The following PDE4D variants were observed in gnomAD, a reference collection of about 807,000 sequenced individuals.
The protein encoded by PDE4D is 3',5'-cyclic-AMP phosphodiesterase 4D.
Under a neutral mutation model 87.4 loss-of-function variants are expected in PDE4D, and 24 were observed. The observed-to-expected ratio is 0.27, with a 90% confidence interval of 0.20 to 0.39. The LOEUF (loss-of-function observed/expected upper bound fraction) is 0.39, where lower values mean the gene tolerates loss of function less well. PDE4D is among the 10% of genes least tolerant of loss of function. The pLI, the probability that PDE4D is intolerant of heterozygous loss-of-function variation, is 1.00. For missense variants in PDE4D, 714 were observed against 1,041.0 expected (o/e 0.69, Z 4.32); for synonymous variants, 384 against 383.2 (o/e 1.00, Z -0.02).
intron 1 of PDE4D, chr5:59,561,054 T>C (rs1172108600): frequency 6.6e-6 from 1 of 152,204 alleles, no homozygotes; most frequent in African/African-American, 2.4e-5. Flanking sequence ...CACAGGAAAA[T>C]TGTACTTCCC....
intron 5 of PDE4D, among the ~76,000 whole-genome samples, chr5:59,046,473 G>A (rs1760721722): frequency 6.6e-6 from 1 of 150,480 alleles, no homozygotes; most frequent in Admixed American, 6.6e-5. Context: ...GAGTCAGCTT[G>A]GTCTAAAGGG....
At chr5:60,188,388 G>C (rs753476086) in intron 1 of PDE4D, 2 of 152,138 alleles carry the variant, frequency 1.3e-5, no homozygotes, top group Non-Finnish European at 2.9e-5. Flanking sequence ...GCCTTGAAAA[G>C]GGAAGTTGCT....
At chr5:60,099,933 T>C (rs1052661634) in intron 2 of PDE4D, among the ~76,000 whole-genome samples, 7 of 151,958 alleles carry the variant, frequency 4.6e-5, no homozygotes, top group Non-Finnish European at 1.0e-4. Context: ...ATGTTAGTTA[T>C]TCACTGTAAC....
intron 1 of PDE4D, among the ~76,000 whole-genome samples, chr5:60,370,178 C>G (rs949225779): frequency 1.3e-5 from 2 of 152,138 alleles, no homozygotes; most frequent in African/African-American, 4.8e-5. Context: ...AAGGCCAGCT[C>G]CTGCCCCAGA....
At chr5:60,107,257 G>A (rs1451962887) in intron 2 of PDE4D, among the ~76,000 whole-genome samples, 1 of 152,138 alleles carries the variant, frequency 6.6e-6, no homozygotes, top group Non-Finnish European at 1.5e-5. Context: ...AGAAAATCTA[G>A]AAGAAATGGA....
At chr5:59,788,788 C>A (rs1765457425) in intron 1 of PDE4D, among the ~76,000 whole-genome samples, 1 of 152,206 alleles carries the variant, frequency 6.6e-6, no homozygotes, top group Admixed American at 6.5e-5. Context: ...GTTAATGTAA[C>A]CTCCCTTGTT....
intron 1 of PDE4D, among the ~76,000 whole-genome samples, chr5:59,577,414 G>T (rs1823353955): frequency 1.3e-5 from 2 of 152,118 alleles, no homozygotes; most frequent in Non-Finnish European, 2.9e-5. Flanking sequence ...TGATTTATGT[G>T]TGGTTTCTCT....
In PDE4D at chr5:60,107,682, T is replaced by G. The variant is rs1483629073; in HGVS notation, c.42+77875A>C. Among the ~76,000 whole-genome samples the G allele has an allele frequency of 3.9e-5, 6 of 152,288 alleles. No homozygotes were observed. The East Asian group carries it at 1.2e-3, about 29-fold the overall frequency. On this transcript the variant is annotated intron_variant, in intron 2 of 16. Transcript: ENST00000502484. ...ACCATGATCAAGTGGGCTTCATCCC[T>G]GGGATGCAAGGCTGGTTCAATATAC...
chr5:59,765,567 A>G (rs1298373874), intron 1 of PDE4D, among the ~76,000 whole-genome samples: 1 of 152,186 alleles, frequency 6.6e-6, no homozygotes, highest in Non-Finnish European at 1.5e-5. Context: ...AAACGAGTAT[A>G]AGTGACATGT....
chr5:59,171,764 C>A lies in PDE4D; in HGVS notation c.808+8831G>T, dbSNP rs535014576. On this transcript the variant is annotated intron_variant, in intron 5 of 14. Transcript: ENST00000340635. ...CTAGGTAGAGCCACTGGCTCTCTCTCTCTCTATATATGAATACATATTCAT... is the reference window on the plus strand; with the variant it reads ...CTAGGTAGAGCCACTGGCTCTCTCTATCTCTATATATGAATACATATTCAT... 2.6e-3 allele frequency among the ~76,000 whole-genome samples: 355 copies of A among 137,186 alleles called. 1 individual carries two copies. The highest frequency in any genetic ancestry group is 8.1e-3 in the African/African-American group (281 of 34,744). The allele number at this position is 137,186 out of a possible 152,430, so 90.0% of individuals were successfully genotyped here.
At chr5:59,045,510 G>A (rs919013975) in intron 5 of PDE4D, among the ~76,000 whole-genome samples, 2 of 143,816 alleles carry the variant, frequency 1.4e-5, no homozygotes, top group Admixed American at 7.4e-5. Context: ...CAGAGGTTGC[G>A]CCATTGCACT....
At chr5:59,081,524 A>AAAAAAAAAAAG (rs1354557850) in intron 5 of PDE4D, among the ~76,000 whole-genome samples, 1 of 151,244 alleles carries the variant, frequency 6.6e-6, no homozygotes, top group African/African-American at 2.4e-5. Context: ...CAGGTAAAAA[A>AAAAAAAAAAAG]AAAAAAGAAA....
chr5:59,495,595 G>A (rs1226283829), intron 1 of PDE4D, among the ~76,000 whole-genome samples: 2 of 152,192 alleles, frequency 1.3e-5, no homozygotes, highest in Non-Finnish European at 2.9e-5. Flanking sequence ...GCTTGGATGC[G>A]ATAGAGAAGA....
At chr5:59,494,618 TTTAA>T (rs1184172351) in intron 1 of PDE4D, among the ~76,000 whole-genome samples, 4 of 152,212 alleles carry the variant, frequency 2.6e-5, no homozygotes, top group Non-Finnish European at 5.9e-5. Context: ...TCCTTGTGAT[TTTAA>T]TTAATTATTG....
intron 1 of PDE4D, among the ~76,000 whole-genome samples, chr5:60,248,845 A>T (rs534706745): frequency 6.6e-6 from 1 of 152,038 alleles, no homozygotes; most frequent in Non-Finnish European, 1.5e-5. Context: ...ATACATTTGC[A>T]CTTCCCATAG....
chr5:60,440,272 T>C (rs1745097913), intron 1 of PDE4D, among the ~76,000 whole-genome samples: 1 of 152,158 alleles, frequency 6.6e-6, no homozygotes, highest in Non-Finnish European at 1.5e-5. Flanking sequence ...ACACCCTTCC[T>C]TCTATATTCA....
At chr5:59,442,664 T>C (rs1410016228) in intron 1 of PDE4D, among the ~76,000 whole-genome samples, 2 of 152,212 alleles carry the variant, frequency 1.3e-5, no homozygotes, top group African/African-American at 4.8e-5. Flanking sequence ...TTAGGAAATA[T>C]AAAAGTATGT....
chr5:59,234,520 T>C (rs921694340), intron 1 of PDE4D, among the ~76,000 whole-genome samples: 3 of 152,212 alleles, frequency 2.0e-5, no homozygotes, highest in African/African-American at 7.2e-5. Flanking sequence ...TGTTTCCTAG[T>C]AGCAATTGTA....
At chr5:59,340,304 T>C (rs1778492305) in intron 1 of PDE4D, among the ~76,000 whole-genome samples, 2 of 152,210 alleles carry the variant, frequency 1.3e-5, no homozygotes, top group African/African-American at 4.8e-5. Context: ...ATGTGAACCA[T>C]GAATGATGGC....
Sources: allele counts gnomAD v4.1 joint callset (sites outside exome capture counted in the v4.1 genomes callset), GRCh38; gene constraint gnomAD v4.1.1; transcripts MANE v1.5; gene names NCBI Gene and HGNC (gene_info 2026-07-23, HGNC 2026-07-21).